The following FBH1 variants were observed in gnomAD, a reference collection of about 807,000 sequenced individuals.
FBH1 encodes F-box DNA helicase 1, also known as DNA 3'-5' helicase 1.
FBH1 carries 43 observed loss-of-function variants against 115.5 expected under a neutral mutation model. The ratio of observed to expected loss-of-function variants is 0.37; its 90% confidence interval spans 0.29 to 0.48. The LOEUF (loss-of-function observed/expected upper bound fraction) is 0.48. FBH1 is among the 20% of genes least tolerant of loss of function. The probability of loss-of-function intolerance (pLI) is 0.99; values close to 1 mark genes in which losing one functional copy is unlikely to be tolerated. For synonymous variants in FBH1, 524 were observed against 507.8 expected (o/e 1.03, Z -0.43); for missense variants, 1,001 against 1,337.3 (o/e 0.75, Z 3.92).
At position 5,913,342 on chromosome 10, in the gene FBH1, A is replaced by T. The variant is rs572300911; in HGVS notation, c.1212-405A>T. 0.026 allele frequency among the ~76,000 whole-genome samples: 2,521 copies of T among 95,520 alleles called. 38 individuals are homozygous for T. The highest frequency in any genetic ancestry group is 0.043 in the Non-Finnish European group (1,860 of 42,900). 62.7% of individuals were successfully genotyped at this position (95,520 alleles called of 152,430 possible). ...GACAGTGGAGCGACCGAGGCTCAGA[A>T]AGAGGCTGGTGTTTTATCCACAGGT... On this transcript the variant is annotated intron_variant, in intron 6 of 20. Coordinates refer to ENST00000362091, the MANE Select transcript of FBH1 (RefSeq NM_178150.3). This position sits in a 1 kb window ranked among gnomAD's most constrained non-coding sequence, Gnocchi z 4.4.
chr10:5,921,570 G>A lies in FBH1; in HGVS notation c.2322+1G>A. 6.3e-7 allele frequency: 1 copy of A among 1,592,954 alleles called. No individual in the cohort carries two copies. Among genetic ancestry groups the A allele is most frequent in the Non-Finnish European group, 8.5e-7 (1 of 1,175,156 alleles). ...CCCTTCAAGGATACATTTGATTGGG[G>A]TAAGAGTACATTTCTGTTGACCACT... On this transcript the variant is annotated splice_donor_variant, in intron 15 of 20. Transcript: ENST00000362091. LOFTEE classifies it high-confidence loss of function. This position sits in a 1 kb window ranked among gnomAD's most constrained non-coding sequence, Gnocchi z 6.4.
At chr10:5,904,781 A>G (rs1589061596) in intron 2 of FBH1, among the ~76,000 whole-genome samples, 1 of 152,298 alleles carries the variant, frequency 6.6e-6, no homozygotes, top group African/African-American at 2.4e-5. Context: ...AGTAATAGTG[A>G]AGTCAAAACT....
chr10:5,918,579 A>AGGATTTGCTAG lies in FBH1; in HGVS notation c.2100+101_2100+102insGGATTTGCTAG. On this transcript the variant is annotated intron_variant, in intron 13 of 20. Transcript: ENST00000362091. This position sits in a 1 kb window ranked among gnomAD's most constrained non-coding sequence, Gnocchi z 4.0. ...TATGCCAGGCTCACCAGATCTAGCA[A>AGGATTTGCTAG]ATCCTTGCTTCTAAGCCATGGTTCT... 1 of 1,375,736 alleles carries AGGATTTGCTAG rather than the reference A, an allele frequency of 7.3e-7. No individual in the cohort carries two copies. Among genetic ancestry groups the AGGATTTGCTAG allele is most frequent in the Non-Finnish European group, 9.5e-7 (1 of 1,047,406 alleles). The allele number at this position is 1,375,736 out of a possible 1,614,324, so 85.2% of individuals were successfully genotyped here.
At position 5,917,467 on chromosome 10, in the gene FBH1, G is replaced by C. The variant is rs534355995; in HGVS notation, c.1836G>C (p.Leu612=). The part of the protein sequence containing the change: ...ASRLWDNMRK[L]GECTEEAHQM... ...GCCTCTGGGATAACATGCGGAAGCTGGGGGAGTGCACAGAAGAGGCGCACC... is the reference window on the plus strand; with the variant it reads ...GCCTCTGGGATAACATGCGGAAGCTCGGGGAGTGCACAGAAGAGGCGCACC... Residue 612 remains leucine (L), a synonymous_variant, in exon 11 of 21, where the codon CTG becomes CTC. Coordinates refer to ENST00000362091, the MANE Select transcript of FBH1 (RefSeq NM_178150.3). The surrounding 1 kb of genome is among the most constrained non-coding windows in gnomAD (Gnocchi z 5.6). The C allele has an allele frequency of 1.2e-6, 2 of 1,614,220 alleles. No individual in the cohort carries two copies. Among genetic ancestry groups the C allele is most frequent in the African/African-American group, 1.3e-5 (1 of 75,060 alleles).
At chr10:5,920,115 C>G (rs1832227681) in intron 13 of FBH1, among the ~76,000 whole-genome samples, 1 of 152,202 alleles carries the variant, frequency 6.6e-6, no homozygotes, top group African/African-American at 2.4e-5. Flanking sequence ...GTGACAGTTG[C>G]TCAGACTTTC....
At position 5,895,265 on chromosome 10, in the gene FBH1, G is replaced by T; in HGVS notation, c.1+4919G>T. ...CCAGATTAGCAAAACTGCCCTCTGTGGATCTTTGTTAAAGTTGGGTATGGT... is the reference window on the plus strand; with the variant it reads ...CCAGATTAGCAAAACTGCCCTCTGTTGATCTTTGTTAAAGTTGGGTATGGT... On this transcript the variant is annotated intron_variant, in intron 1 of 20. Coordinates refer to ENST00000362091, the MANE Select transcript of FBH1 (RefSeq NM_178150.3). This position sits in a 1 kb window ranked among gnomAD's most constrained non-coding sequence, Gnocchi z 5.0. 1 of 1,483,970 alleles carries T rather than the reference G, an allele frequency of 6.7e-7. No individual in the cohort carries two copies. Among genetic ancestry groups the T allele is most frequent in the Non-Finnish European group, 9.1e-7 (1 of 1,101,724 alleles). 91.9% of individuals were successfully genotyped at this position (1,483,970 alleles called of 1,614,324 possible). A position where few individuals can be genotyped will look rare whatever the true frequency, so the allele number is the denominator to read the frequency against.
intron 6 of FBH1, among the ~76,000 whole-genome samples, chr10:5,912,322 C>T (rs1223519080): frequency 2.6e-5 from 4 of 151,030 alleles, no homozygotes; most frequent in African/African-American, 7.3e-5. Flanking sequence ...CGAGATATGC[C>T]ACTGTACTCC....
intron 1 of FBH1, among the ~76,000 whole-genome samples, chr10:5,892,250 C>T (rs1292577826): frequency 6.6e-6 from 1 of 152,222 alleles, no homozygotes; most frequent in East Asian, 1.9e-4. Context: ...CACCGACTTG[C>T]TCCTTGGCTG....
In FBH1 at chr10:5,903,013, G is replaced by C; in HGVS notation, c.2-7G>C. On this transcript the variant is annotated splice_region_variant and splice_polypyrimidine_tract_variant and intron_variant, in intron 1 of 20. Transcript: ENST00000362091. ...TCCCCTTTCTTCTACCTGCTGGTAT[G>C]AAACAGTGAGACGGTTTAAGCGGAA... The C allele has an allele frequency of 1.9e-6, 3 of 1,604,178 alleles. No individual in the cohort carries two copies. Among genetic ancestry groups the C allele is most frequent in the South Asian group, 1.1e-5 (1 of 89,726 alleles).
chr10:5,928,148 C>CTT lies in FBH1; in HGVS notation c.2829+621_2829+622dup, dbSNP rs753773157. 8.3e-3 allele frequency among the ~76,000 whole-genome samples: 959 copies of CTT among 114,884 alleles called. 24 individuals carry two copies. The highest frequency in any genetic ancestry group is 0.027 in the African/African-American group (867 of 31,842). The allele number at this position is 114,884 out of a possible 152,430, so 75.4% of individuals were successfully genotyped here. Reference sequence around the variant, plus strand: ...TAATTTCTCCTTTACTCAATTAGTTCTTTTTTTTTTTTTTTGGTTTGAGAC... The same window carrying CTT: ...TAATTTCTCCTTTACTCAATTAGTTCTTTTTTTTTTTTTTTTTGGTTTGAGAC... On this transcript the variant is annotated intron_variant, in intron 19 of 20. Transcript: ENST00000362091.
rs755815102 is a variant in FBH1 at position 5,913,858 on chromosome 10, C to T, written c.1304+19C>T. The T allele has an allele frequency of 6.4e-7, 1 of 1,563,604 alleles. No individual in the cohort carries two copies. The highest frequency in any genetic ancestry group is 8.7e-7 in the Non-Finnish European group (1 of 1,148,846). On this transcript the variant is annotated intron_variant, in intron 7 of 20. Transcript: ENST00000362091. This position sits in a 1 kb window ranked among gnomAD's most constrained non-coding sequence, Gnocchi z 4.4. ...GGCCAGGGTATGTGTATATGTGCGTCAGCGTGTGTTTTGTCTTCTGTCGAC... is the reference window on the plus strand; with the variant it reads ...GGCCAGGGTATGTGTATATGTGCGTTAGCGTGTGTTTTGTCTTCTGTCGAC...
Position 5,937,141 on chromosome 10 carries a change from T to G in FBH1, c.2993T>G (p.Leu998Arg). 1 of 1,611,372 alleles carries G rather than the reference T, an allele frequency of 6.2e-7. No homozygotes were observed. Among genetic ancestry groups the G allele is most frequent in the Non-Finnish European group, 8.5e-7 (1 of 1,178,462 alleles). Reference sequence around the variant, plus strand: ...AGGAAGGAAAACAAGGGGGGCTACCTCTGCCACTCCTGTGCGGAGCAGCGC... The same window carrying G: ...AGGAAGGAAAACAAGGGGGGCTACCGCTGCCACTCCTGTGCGGAGCAGCGC... ...SNRKENKGGY[L>R]CHSCAEQRIG... is the part of the protein sequence containing the mutation. Residue 998 changes from leucine (L) to arginine (R), a missense_variant, in exon 21 of 21, where the codon CTC becomes CGC. This residue lies in a region of FBH1 where 521 missense variants were observed against 811.0 expected (regional missense o/e 0.64). Transcript: ENST00000362091.
At position 5,913,611 on chromosome 10, in the gene FBH1, T is replaced by C; in HGVS notation, c.1212-136T>C. 1 of 594,268 alleles carries C rather than the reference T, an allele frequency of 1.7e-6. No homozygotes were observed. Among genetic ancestry groups the C allele is most frequent in the Non-Finnish European group, 2.8e-6 (1 of 351,276 alleles). 36.8% of individuals were successfully genotyped at this position (594,268 alleles called of 1,614,324 possible). ...CCATAGATATATTTAAATCCTTTTC[T>C]TTCTTTTTTCCATTAAATGGTGGTA... On this transcript the variant is annotated intron_variant, in intron 6 of 20. Transcript: ENST00000362091. The surrounding 1 kb of genome is among the most constrained non-coding windows in gnomAD (Gnocchi z 4.4).
rs1378673771 is a variant in FBH1 at position 5,924,226 on chromosome 10, C to T, written c.2399-85C>T. ...CCCACTTTAAGACCATCTGCTCTTG[C>T]GCAGCTGCTTAGGAACGTGCAGCAC... On this transcript the variant is annotated intron_variant, in intron 16 of 20. Transcript: ENST00000362091. The surrounding 1 kb of genome is among the most constrained non-coding windows in gnomAD (Gnocchi z 6.2). 9.6e-6 allele frequency: 13 copies of T among 1,355,916 alleles called. No homozygotes were observed. Among genetic ancestry groups the T allele is most frequent in the South Asian group, 2.4e-5 (2 of 81,648 alleles). 84.0% of individuals were successfully genotyped at this position (1,355,916 alleles called of 1,614,324 possible).
rs1832467872 is a variant in FBH1, at chr10:5,923,993, G to A, written c.2398+297G>A. On this transcript the variant is annotated intron_variant, in intron 16 of 20. Transcript: ENST00000362091. The surrounding 1 kb of genome is among the most constrained non-coding windows in gnomAD (Gnocchi z 5.7). ...CCAATTTATACGTTGATACTTCCAC[G>A]TGGGCCCCAAGTGATAGCGTCGAGC... 11 of 555,804 alleles carry A rather than the reference G, an allele frequency of 2.0e-5. No homozygotes were observed. The highest frequency in any genetic ancestry group is 2.6e-5 in the Non-Finnish European group (8 of 313,128). The allele number at this position is 555,804 out of a possible 1,614,324, so 34.4% of individuals were successfully genotyped here. A position where few individuals can be genotyped will look rare whatever the true frequency, so the allele number is the denominator to read the frequency against.
intron 2 of FBH1, 129 bp downstream of exon 2, chr10:5,903,304 CT>C: frequency 1.3e-5 from 7 of 554,726 alleles, no homozygotes; most frequent in African/African-American, 2.0e-5. Context: ...TAGCTTGACA[CT>C]TTTTTTATTG....
intron 2 of FBH1, among the ~76,000 whole-genome samples, chr10:5,903,883 G>A (rs1843528467): frequency 6.6e-6 from 1 of 152,050 alleles, no homozygotes; most frequent in Admixed American, 6.6e-5. Flanking sequence ...TGTCACCTAG[G>A]ACCTGGACTA....
In FBH1 at chr10:5,915,307, C is replaced by T. The variant is rs10508298; in HGVS notation, c.1397-96C>T. The T allele has an allele frequency of 0.29, 376,680 of 1,289,746 alleles. 61,085 individuals are homozygous for T. The highest frequency in any genetic ancestry group is 0.34 in the Middle Eastern group (1,598 of 4,730). The allele number at this position is 1,289,746 out of a possible 1,614,324, so 79.9% of individuals were successfully genotyped here. A position where few individuals can be genotyped will look rare whatever the true frequency, so the allele number is the denominator to read the frequency against. On this transcript the variant is annotated intron_variant, in intron 8 of 20. Transcript: ENST00000362091. The surrounding 1 kb of genome is among the most constrained non-coding windows in gnomAD (Gnocchi z 5.2). ...ACTTGTTACTGTCCTGCTCTCAAGA[C>T]AGAGGTGTGATAAGCCTGGACAAGG... is the stretch of plus-strand genomic sequence containing the variant.
chr10:5,896,223 C>T (rs932997020), intron 1 of FBH1, among the ~76,000 whole-genome samples: 4 of 152,054 alleles, frequency 2.6e-5, no homozygotes, highest in African/African-American at 9.7e-5. Flanking sequence ...TCATCTCCAT[C>T]GGGGGACCTC....
Sources: gnomAD v4.1 joint callset for allele counts (sites outside exome capture counted in the v4.1 genomes callset) on GRCh38, gnomAD v4.1.1 for gene constraint, gnomAD v4.1.1 regional missense constraint, Gnocchi (gnomAD v3.1) non-coding constraint, MANE v1.5 for transcripts, NCBI Gene and HGNC (gene_info 2026-07-23, HGNC 2026-07-21) for gene names.